The following PWP1 variants were observed in gnomAD, a reference collection of about 807,000 sequenced individuals.
PWP1 encodes the protein PWP1 homolog, endonuclein, also known as periodic tryptophan protein 1 homolog.
PWP1 carries 47 observed loss-of-function variants against 69.9 expected under a neutral mutation model. The ratio of observed to expected loss-of-function variants is 0.67; its 90% CI spans 0.53 to 0.86. The LOEUF is 0.86. Ranked by LOEUF, PWP1 falls within the 40% of genes least tolerant of loss-of-function variation. The pLI, the probability that PWP1 is intolerant of heterozygous loss-of-function variation, is 0.00. For synonymous variants in PWP1, 222 were observed against 208.2 expected (o/e 1.07, Z -0.57); for missense variants, 551 against 608.8 (o/e 0.91, Z 1.00).
intron 5 of PWP1, among the ~76,000 whole-genome samples, chr12:107,694,874 A>G (rs1889551761): frequency 6.6e-6 from 1 of 152,184 alleles, no homozygotes; most frequent in East Asian, 1.9e-4. Context: ...CAAATTGCCC[A>G]GTATGTGTGT....
intron 7 of PWP1, among the ~76,000 whole-genome samples, chr12:107,699,101 A>G (rs1420757197): frequency 6.6e-6 from 1 of 152,176 alleles, no homozygotes; most frequent in Admixed American, 6.5e-5. Context: ...TCCACAAAAA[A>G]TATAAAAATT....
intron 11 of PWP1, among the ~76,000 whole-genome samples, chr12:107,705,050 T>G (rs987981826): frequency 5.9e-5 from 9 of 151,692 alleles, no homozygotes; most frequent in Admixed American, 4.6e-4. Context: ...GTATTTTTTG[T>G]TTTTTTTAAT....
chr12:107,709,736 A>ATAAG (rs1262242750), intron 13 of PWP1, among the ~76,000 whole-genome samples: 3 of 152,142 alleles, frequency 2.0e-5, no homozygotes, highest in Non-Finnish European at 4.4e-5. Context: ...ACTGAGTTAT[A>ATAAG]TAAGTTAGAC....
chr12:107,701,238 C>T (rs1385317178), intron 8 of PWP1, among the ~76,000 whole-genome samples: 1 of 152,116 alleles, frequency 6.6e-6, no homozygotes, highest in East Asian at 1.9e-4. Context: ...GGTGATCCTC[C>T]CACCTCAGCC....
At chr12:107,707,593 G>A (rs957550486) in intron 11 of PWP1, among the ~76,000 whole-genome samples, 1 of 152,142 alleles carries the variant, frequency 6.6e-6, no homozygotes, top group Non-Finnish European at 1.5e-5. Context: ...TTTATTGAGA[G>A]TTTTAGCATG....
chr12:107,698,087 G>A (rs1889627772), intron 7 of PWP1, among the ~76,000 whole-genome samples: 2 of 152,306 alleles, frequency 1.3e-5, no homozygotes, highest in South Asian at 2.1e-4. Context: ...GCCAGGCCAC[G>A]CACGTGGCTC....
rs1889352825 is a variant in PWP1 at position 107,685,894 on chromosome 12, A to T, written c.-6A>T. 1 of 1,613,616 alleles carries T rather than the reference A, an allele frequency of 6.2e-7. No homozygotes were observed. The highest frequency in any genetic ancestry group is 1.3e-5 in the African/African-American group (1 of 74,930). ...TCTAGCGTGACACGCCCTTGACTTG[A>T]GGACCATGAACCGCAGCCGCCAGGT... is the stretch of plus-strand genomic sequence containing the variant. On this transcript the variant is annotated 5_prime_UTR_variant, in exon 1 of 15. Transcript: ENST00000412830.
chr12:107,712,211 G>A lies in PWP1; in HGVS notation c.1497G>A (p.Met499Ile). The A allele has an allele frequency of 6.2e-7, 1 of 1,611,608 alleles. No individual in the cohort carries two copies. The highest frequency in any genetic ancestry group is 8.5e-7 in the Non-Finnish European group (1 of 1,177,904). Reference protein sequence around the residue: ...PFGSRSSDTPMES With the variant: ...PFGSRSSDTPIES ...GCAGCAGGAGCTCAGATACACCCATGGAGTCTTAATGAAGATCATCTAATT... is the reference window on the plus strand; with the variant it reads ...GCAGCAGGAGCTCAGATACACCCATAGAGTCTTAATGAAGATCATCTAATT... The change falls in exon 15 of 15, where the codon ATG becomes ATA. Residue 499 changes from methionine to isoleucine, a missense_variant. Coordinates refer to ENST00000412830, the MANE Select transcript of PWP1 (RefSeq NM_007062.3).
At chr12:107,703,224 A>G (rs986876696) in intron 9 of PWP1, among the ~76,000 whole-genome samples, 193 bp downstream of exon 9, 4 of 152,338 alleles carry the variant, frequency 2.6e-5, no homozygotes, top group African/African-American at 9.6e-5. Context: ...AGATGAAAAA[A>G]TGGGTACAGA....
At chr12:107,686,783 G>A (rs1262602279) in intron 1 of PWP1, among the ~76,000 whole-genome samples, 3 of 151,972 alleles carry the variant, frequency 2.0e-5, no homozygotes, top group Non-Finnish European at 4.4e-5. Flanking sequence ...TGGCTAACAC[G>A]GTGAAACCCC....
rs1593150708 is a variant in PWP1 at position 107,709,220 on chromosome 12, G to A, written c.1278G>A (p.Arg426=). 1.2e-6 allele frequency: 2 copies of A among 1,613,470 alleles called. No individual in the cohort carries two copies. Among genetic ancestry groups the A allele is most frequent in the Admixed American group, 3.3e-5 (2 of 59,920 alleles). Residue 426 remains arginine (R), a synonymous_variant, in exon 13 of 15, where the codon AGG becomes AGA. Coordinates refer to ENST00000412830, the MANE Select transcript of PWP1 (RefSeq NM_007062.3). ...LGDRPSLVHS[R]DMKMGVLFCS... ...ATAGGCCAAGTCTAGTTCATTCTAG[G>A]GACATGAAAATGGTAAGAATCTCCC...
intron 13 of PWP1, among the ~76,000 whole-genome samples, chr12:107,709,571 G>C (rs1480628926): frequency 1.3e-5 from 2 of 151,130 alleles, no homozygotes; most frequent in South Asian, 2.1e-4. Flanking sequence ...TTGAACCTCA[G>C]GGCACCGTAG....
intron 1 of PWP1, among the ~76,000 whole-genome samples, chr12:107,686,848 C>T (rs2136267532): frequency 6.6e-6 from 1 of 152,124 alleles, no homozygotes; most frequent in East Asian, 1.9e-4. Flanking sequence ...TGCCTGTAGT[C>T]CCAGCTACTC....
At chr12:107,706,709 T>C (rs140811362) in intron 11 of PWP1, among the ~76,000 whole-genome samples, 3,529 of 152,304 alleles carry the variant, frequency 0.023, 60 homozygotes, top group Non-Finnish European at 0.038. Flanking sequence ...CAGATGATTG[T>C]AGATGTGTGG....
chr12:107,691,782 T>A (rs1193944733), intron 3 of PWP1, among the ~76,000 whole-genome samples: 2 of 152,204 alleles, frequency 1.3e-5, no homozygotes, highest in African/African-American at 4.8e-5. Context: ...CATCTAGATG[T>A]TCATTCCTCC....
At chr12:107,699,256 CTCAAAACAAA>C (rs1889655571) in intron 7 of PWP1, 107 bp from the exon 8 acceptor site, 1 of 828,246 alleles carries the variant, frequency 1.2e-6, no homozygotes. Context: ...AAGACTCCGT[CTCAAAACAAA>C]ACAAAACAAA....
chr12:107,689,882 A>T (rs10861765), intron 3 of PWP1, among the ~76,000 whole-genome samples: 47,593 of 151,944 alleles, frequency 0.31, 7,855 homozygotes, highest in East Asian at 0.58. Flanking sequence ...TCTTCTGGGG[A>T]AAGTAGGTAT....
At chr12:107,691,746 T>A (rs78812895) in intron 3 of PWP1, among the ~76,000 whole-genome samples, 9,303 of 152,246 alleles carry the variant, frequency 0.061, 983 homozygotes, top group African/African-American at 0.21. Flanking sequence ...TCTGAATTGA[T>A]TTTTATTGTC....
intron 14 of PWP1, 126 bp downstream of exon 14, chr12:107,710,636 C>CCT (rs1889933571): frequency 7.2e-6 from 10 of 1,394,786 alleles, no homozygotes; most frequent in Non-Finnish European, 9.4e-6. Flanking sequence ...AATCCTTGGT[C>CCT]CTCAGCCTTC....
Sources: allele counts gnomAD v4.1 joint callset (sites outside exome capture counted in the v4.1 genomes callset), GRCh38; gene constraint gnomAD v4.1.1; transcripts MANE v1.5; gene names NCBI Gene and HGNC (gene_info 2026-07-23, HGNC 2026-07-21).